The following ADAMTS2 variants were observed in gnomAD, a reference collection of about 807,000 sequenced individuals.
ADAMTS2 encodes the protein ADAM metallopeptidase with thrombospondin type 1 motif 2, also known as A disintegrin and metalloproteinase with thrombospondin motifs 2.
A neutral mutation model predicts 123.0 loss-of-function variants in ADAMTS2; 50 were observed. The ratio of observed to expected loss-of-function variants is 0.41; its 90% CI spans 0.32 to 0.51. ADAMTS2 has a LOEUF of 0.51. Among genes scored for constraint, ADAMTS2 ranks in the 20% least tolerant of loss-of-function variants. ADAMTS2 has a pLI of 0.35. For missense variants in ADAMTS2, 1,494 were observed against 1,705.2 expected (o/e 0.88, Z 2.18); for synonymous variants, 678 against 695.4 (o/e 0.98, Z 0.39).
chr5:179,209,020 G>A (rs1435522648), intron 3 of ADAMTS2, among the ~76,000 whole-genome samples: 1 of 152,214 alleles, frequency 6.6e-6, no homozygotes, highest in African/African-American at 2.4e-5. Flanking sequence ...CTCTCCTGCT[G>A]CCTCTTCCAG....
At chr5:179,149,073 G>A (rs1021351499) in intron 10 of ADAMTS2, among the ~76,000 whole-genome samples, 5 of 152,194 alleles carry the variant, frequency 3.3e-5, no homozygotes, top group African/African-American at 1.2e-4. Context: ...AGCCAGTGGC[G>A]CAGGTGGGGT....
Position 179,130,014 on chromosome 5 carries a change from C to T in ADAMTS2, c.2375G>A (p.Gly792Asp). The T allele has an allele frequency of 1.2e-6, 2 of 1,614,134 alleles. No homozygotes were observed. Among genetic ancestry groups the T allele is most frequent in the Non-Finnish European group, 1.7e-6 (2 of 1,180,032 alleles). ...DASSKTFIAM[G>D]VEWEYRDEDG... ...CTCGTCTCTGTACTCCCACTCCACG[C>T]CCATGGCAATGAAGGTTTTGGAACT... Residue 792 changes from glycine (G) to aspartate (D), a missense_variant, in exon 16 of 22, where the codon GGC (glycine) becomes GAC (aspartate). By Grantham distance (94) the Gly-to-Asp change is moderately conservative. Coordinates refer to ENST00000251582, the MANE Select transcript of ADAMTS2 (RefSeq NM_014244.5). This position sits in a 1 kb window ranked among gnomAD's most constrained non-coding sequence, Gnocchi z 4.3.
At chr5:179,114,896 A>G (rs1762632299) in intron 21 of ADAMTS2, among the ~76,000 whole-genome samples, 2 of 152,306 alleles carry the variant, frequency 1.3e-5, no homozygotes, top group South Asian at 2.1e-4. Flanking sequence ...GCCCCGGACG[A>G]TCTTTTAACT....
At chr5:179,154,655 C>T (rs979050079) in intron 7 of ADAMTS2, among the ~76,000 whole-genome samples, 159 bp downstream of exon 7, 5 of 152,206 alleles carry the variant, frequency 3.3e-5, no homozygotes, top group East Asian at 1.9e-4. Flanking sequence ...AAGTGGGCCT[C>T]GGGCCAGCAC....
In ADAMTS2 at chr5:179,228,582, C is replaced by T. The variant is rs1765340456; in HGVS notation, c.689-20867G>A. On this transcript the variant is annotated intron_variant, in intron 3 of 21. Coordinates refer to ENST00000251582, the MANE Select transcript of ADAMTS2 (RefSeq NM_014244.5). The surrounding 1 kb of genome is among the most constrained non-coding windows in gnomAD (Gnocchi z 5.2). ...ATGCCGGCCACTGCCTTGCCTCCTG[C>T]CTGATGCAGTCTCTCGGCAGCAAGG... Among the ~76,000 whole-genome samples, 1 of 152,248 alleles carries T rather than the reference C, an allele frequency of 6.6e-6. No individual in the cohort carries two copies.
rs567020173 is a variant in ADAMTS2, at chr5:179,237,578, C to T, written c.689-29863G>A. Among the ~76,000 whole-genome samples, 136 of 152,294 alleles carry T rather than the reference C, an allele frequency of 8.9e-4. 1 individual carries two copies. In the Middle Eastern group the frequency reaches 0.01, roughly 11 times the overall value. ...CTTCGTCACCTGGATCCAGTCGCGT[C>T]AGTTAAGCGGTGCTGCCCAGCTCTG... On this transcript the variant is annotated intron_variant, in intron 3 of 21. Coordinates refer to ENST00000251582, the MANE Select transcript of ADAMTS2 (RefSeq NM_014244.5).
rs1481220624 is a variant in ADAMTS2 at position 179,188,013 on chromosome 5, T to C, written c.892-6858A>G. Reference sequence around the variant, plus strand: ...TGCGGCTGCTGGGCAGAGGTGACTTTGTCCTCTGCCAAGGTGGGGGAGGGG... The same window carrying C: ...TGCGGCTGCTGGGCAGAGGTGACTTCGTCCTCTGCCAAGGTGGGGGAGGGG... On this transcript the variant is annotated intron_variant, in intron 4 of 21. Transcript: ENST00000251582. The surrounding 1 kb of genome is among the most constrained non-coding windows in gnomAD (Gnocchi z 5.1). 6.6e-6 allele frequency among the ~76,000 whole-genome samples: 1 copy of C among 151,696 alleles called. No homozygotes were observed. The highest frequency in any genetic ancestry group is 1.5e-5 in the Non-Finnish European group (1 of 67,922).
chr5:179,160,309 C>T (rs1763570105), intron 5 of ADAMTS2, among the ~76,000 whole-genome samples: 1 of 152,094 alleles, frequency 6.6e-6, no homozygotes, highest in African/African-American at 2.4e-5. Flanking sequence ...AAATGCAAAA[C>T]TTAGTCTGGC....
chr5:179,275,867 T>C (rs957505498), intron 2 of ADAMTS2, among the ~76,000 whole-genome samples: 1 of 152,088 alleles, frequency 6.6e-6, no homozygotes, highest in East Asian at 1.9e-4. Flanking sequence ...AGGGTCCTGG[T>C]GGGTGGCCGG....
chr5:179,205,757 G>GTTATTATTATTA (rs148528271), intron 4 of ADAMTS2, among the ~76,000 whole-genome samples: 6,868 of 115,872 alleles, frequency 0.059, 229 homozygotes, highest in Middle Eastern at 0.16. Context: ...TGGTTTTATT[G>GTTATTATTATTA]TTATTATTAT....
rs534328571 is a variant in ADAMTS2, at chr5:179,308,625, A to G, written c.534+35142T>C. Among the ~76,000 whole-genome samples the G allele has an allele frequency of 6.6e-6, 1 of 152,264 alleles. No homozygotes were observed. Among genetic ancestry groups the G allele is most frequent in the South Asian group, 2.1e-4 (1 of 4,824 alleles). Reference sequence around the variant, plus strand: ...TATTTGCAAAACAGTTTCTCCCAACATGATGCCCATGTGTATGTGGATTGG... The same window carrying G: ...TATTTGCAAAACAGTTTCTCCCAACGTGATGCCCATGTGTATGTGGATTGG... On this transcript the variant is annotated intron_variant, in intron 2 of 21. Transcript: ENST00000251582. The surrounding 1 kb of genome is among the most constrained non-coding windows in gnomAD (Gnocchi z 6.6).
Position 179,140,799 on chromosome 5 carries a change from C to CTTTTTTTTTT in ADAMTS2, c.1630-774_1630-765dup, listed in dbSNP as rs770094463. On this transcript the variant is annotated intron_variant, in intron 10 of 21. Transcript: ENST00000251582. ...TTTCCTTCAGTTCCGACTGCATGCT[C>CTTTTTTTTTT]TTTTTTTTTTTTTTTTTTTGAGACA... Among the ~76,000 whole-genome samples, 28 of 90,448 alleles carry CTTTTTTTTTT rather than the reference C, an allele frequency of 3.1e-4. 2 individuals carry two copies. Among genetic ancestry groups the CTTTTTTTTTT allele is most frequent in the South Asian group, 8.5e-4 (2 of 2,340 alleles). 59.3% of individuals were successfully genotyped at this position (90,448 alleles called of 152,430 possible). A position where few individuals can be genotyped will look rare whatever the true frequency, so the allele number is the denominator to read the frequency against.
In ADAMTS2 at chr5:179,319,440, A is replaced by G. The variant is rs113925146; in HGVS notation, c.534+24327T>C. On this transcript the variant is annotated intron_variant, in intron 2 of 21. Transcript: ENST00000251582. ...TCAAGCACATGCATTATACATGCAC[A>G]CGCCCACACATGTGCACACATGCAT... Among the ~76,000 whole-genome samples, 118 of 152,120 alleles carry G rather than the reference A, an allele frequency of 7.8e-4. No individual in the cohort carries two copies. The Middle Eastern group carries it at 0.014, about 18-fold the overall frequency.
At chr5:179,265,307 C>T (rs2113497634) in intron 3 of ADAMTS2, among the ~76,000 whole-genome samples, 1 of 152,352 alleles carries the variant, frequency 6.6e-6, no homozygotes, top group African/African-American at 2.4e-5. Flanking sequence ...ACCCCTGAAC[C>T]AGAAACCATG....
chr5:179,112,320 T>C lies in ADAMTS2; in HGVS notation c.*1547A>G, dbSNP rs1762581478. On this transcript the variant is annotated 3_prime_UTR_variant, in exon 22 of 22. Transcript: ENST00000251582. ...GTCAGGCTGAGCCCATCTAAGGAGC[T>C]GACGTGCCCCTGGGTCTTGTAAGCC... 1 of 152,192 alleles carries C rather than the reference T, an allele frequency of 6.6e-6. No homozygotes were observed. The highest frequency in any genetic ancestry group is 6.5e-5 in the Admixed American group (1 of 15,274). 9.4% of individuals were successfully genotyped at this position (152,192 alleles called of 1,614,324 possible).
chr5:179,330,176 G>A (rs1179731052), intron 2 of ADAMTS2, among the ~76,000 whole-genome samples: 5 of 148,984 alleles, frequency 3.4e-5, no homozygotes, highest in Non-Finnish European at 7.4e-5. Context: ...ACAATAACAC[G>A]ATTGCCTGAC....
chr5:179,170,177 T>C lies in ADAMTS2; in HGVS notation c.975+10895A>G, dbSNP rs143865590. Among the ~76,000 whole-genome samples, 1 of 152,358 alleles carries C rather than the reference T, an allele frequency of 6.6e-6. No homozygotes were observed. Among genetic ancestry groups the C allele is most frequent in the East Asian group, 1.9e-4 (1 of 5,190 alleles). On this transcript the variant is annotated intron_variant, in intron 5 of 21. Transcript: ENST00000251582. The surrounding 1 kb of genome is among the most constrained non-coding windows in gnomAD (Gnocchi z 4.3). ...AAACTTGAGATAACTCAGAGGCTTC[T>C]CATAAGCTAGAAGACAAACATGTCA...
intron 3 of ADAMTS2, among the ~76,000 whole-genome samples, chr5:179,210,919 A>G (rs981340719): frequency 6.6e-6 from 1 of 152,276 alleles, no homozygotes; most frequent in Non-Finnish European, 1.5e-5. Flanking sequence ...GGCTTAACCC[A>G]GGCCATGAAG....
At chr5:179,278,147 C>T (rs547581495) in intron 2 of ADAMTS2, among the ~76,000 whole-genome samples, 48 of 72,164 alleles carry the variant, frequency 6.7e-4, no homozygotes, top group African/African-American at 2.6e-3. Context: ...GCTGACCCCC[C>T]GCGAGACCAA....
Sources: allele counts gnomAD v4.1 joint callset (sites outside exome capture counted in the v4.1 genomes callset), GRCh38; gene constraint gnomAD v4.1.1; non-coding constraint Gnocchi (gnomAD v3.1); transcripts MANE v1.5; gene names NCBI Gene and HGNC (gene_info 2026-07-23, HGNC 2026-07-21).